The following MTMR8 variants were observed in gnomAD, a reference collection of about 807,000 sequenced individuals.
MTMR8 encodes the protein myotubularin related protein 8.
A neutral mutation model predicts 39.3 loss-of-function variants in MTMR8; 65 were observed. The observed-to-expected ratio is 1.65, with a 90% CI of 1.35 to 2.03. The LOEUF (loss-of-function observed/expected upper bound fraction) is 2.03, where lower values mean the gene tolerates loss of function less well. MTMR8 is among the 30% of genes most tolerant of loss of function. The pLI, the probability that MTMR8 is intolerant of heterozygous loss-of-function variation, is 0.00. For missense variants in MTMR8, 777 were observed against 538.9 expected, an observed-to-expected ratio of 1.44 and a Z score of -4.37; for synonymous variants, 245 against 185.2, an observed-to-expected ratio of 1.32 and a Z score of -2.62.
chrX:64,336,299 C>T (rs1482574467), intron 9 of MTMR8, among the ~76,000 whole-genome samples, 171 bp from the exon 10 acceptor site: 2 of 111,305 alleles, frequency 1.8e-5, no homozygotes, highest in African/African-American at 6.5e-5. Flanking sequence ...TAAGCCTATA[C>T]AGGGTGCCTT....
rs368449865 is a variant in MTMR8, at chrX:64,277,196, C to A, written c.1482-6123G>T. On this transcript the variant is annotated intron_variant, in intron 12 of 13. Coordinates refer to ENST00000374852, the MANE Select transcript of MTMR8 (RefSeq NM_017677.4). ...GCACACCAATGGGTCTTGACTCTAT[C>A]CAATTTGCCAGTCTGTGTCTTTTAA... is the stretch of plus-strand genomic sequence containing the variant. Among the ~76,000 whole-genome samples, 86 of 111,840 alleles carry A rather than the reference C, an allele frequency of 7.7e-4. No homozygotes were observed. In the East Asian group the frequency reaches 0.014, roughly 18 times the overall value.
rs774319503 is a variant in MTMR8, at chrX:64,316,682, G to A, written c.1481+12090C>T. On this transcript the variant is annotated intron_variant, in intron 12 of 13. Coordinates refer to ENST00000374852, the MANE Select transcript of MTMR8 (RefSeq NM_017677.4). ...CTATTTTCACCATTTATAAGATTTC[G>A]CATTGATATATTTTTTTTGGCACTT... 1.2e-4 allele frequency among the ~76,000 whole-genome samples: 13 copies of A among 111,415 alleles called. No homozygotes were observed. The East Asian group carries it at 1.7e-3, about 14-fold the overall frequency.
intron 5 of MTMR8, 35 bp downstream of exon 5, chrX:64,349,907 G>A: frequency 9.2e-7 from 1 of 1,083,180 alleles, no homozygotes; most frequent in Non-Finnish European, 1.2e-6. Context: ...CCAGAGCCAT[G>A]TTTAATTATC....
intron 12 of MTMR8, chrX:64,305,856 T>A: frequency 3.4e-6 from 1 of 290,301 alleles, no homozygotes; most frequent in Middle Eastern, 1.2e-3. Context: ...TGGCTCACAC[T>A]TGGAATGCTA....
intron 10 of MTMR8, 101 bp downstream of exon 10, chrX:64,335,978 A>T: frequency 1.8e-6 from 1 of 569,224 alleles, no homozygotes; most frequent in Non-Finnish European, 2.7e-6. Context: ...GCCATGTTCA[A>T]CTTCCTCTTC....
intron 8 of MTMR8, among the ~76,000 whole-genome samples, chrX:64,341,945 A>G (rs1923229859): frequency 8.9e-6 from 1 of 112,335 alleles, no homozygotes; most frequent in South Asian, 3.7e-4. Context: ...TAAAATAAAC[A>G]TTTAAAAAAG....
chrX:64,298,440 CT>C (rs1184845329), intron 12 of MTMR8, among the ~76,000 whole-genome samples: 1 of 85,300 alleles, frequency 1.2e-5, no homozygotes, highest in Non-Finnish European at 2.1e-5. Context: ...TATCCTGAGA[CT>C]TTGCTGAAGT....
At chrX:64,302,128 A>T (rs1291857796) in intron 12 of MTMR8, among the ~76,000 whole-genome samples, 1 of 112,529 alleles carries the variant, frequency 8.9e-6, no homozygotes, top group East Asian at 2.8e-4. Flanking sequence ...TGTTTACCTG[A>T]GCAAGCCTGG....
chrX:64,313,013 G>A (rs1309449968), intron 12 of MTMR8, among the ~76,000 whole-genome samples: 2 of 111,971 alleles, frequency 1.8e-5, no homozygotes, highest in Non-Finnish European at 3.8e-5. Flanking sequence ...TATTATAATT[G>A]TTAAGGGCCC....
At chrX:64,333,301 C>G (rs1922989772) in intron 10 of MTMR8, among the ~76,000 whole-genome samples, 1 of 111,373 alleles carries the variant, frequency 9.0e-6, no homozygotes, top group African/African-American at 3.3e-5. Flanking sequence ...TGTCAAACCC[C>G]TAATCCATTT....
At chrX:64,313,898 T>A (rs1358406707) in intron 12 of MTMR8, among the ~76,000 whole-genome samples, 1 of 112,565 alleles carries the variant, frequency 8.9e-6, no homozygotes, top group East Asian at 2.8e-4. Context: ...TTGCACTCAT[T>A]TTTATCAGCT....
intron 1 of MTMR8, among the ~76,000 whole-genome samples, chrX:64,361,545 C>T (rs1439703803): frequency 1.8e-5 from 2 of 110,716 alleles, no homozygotes; most frequent in Admixed American, 9.6e-5. Flanking sequence ...AAAATGTCAA[C>T]GTAATACATC....
At chrX:64,311,679 T>A (rs1209462103) in intron 12 of MTMR8, among the ~76,000 whole-genome samples, 1 of 111,039 alleles carries the variant, frequency 9.0e-6, no homozygotes, top group Admixed American at 9.6e-5. Flanking sequence ...GTATAAGGTG[T>A]AAGGAAGGGA....
intron 1 of MTMR8, 59 bp from the exon 2 acceptor site, chrX:64,359,586 G>T: frequency 3.6e-6 from 4 of 1,097,959 alleles, no homozygotes; most frequent in Non-Finnish European, 3.7e-6. Flanking sequence ...TGATTGAAGT[G>T]GGGCCATTCA....
Position 64,386,235 on chromosome X carries a change from G to T in MTMR8, c.24+9105C>A, listed in dbSNP as rs1346795464. ...GCTCATTCTATTTTGTAGAATGGAG[G>T]TTCCCCAATTCATGAATTAGATCTA... is the stretch of plus-strand genomic sequence containing the variant. On this transcript the variant is annotated intron_variant, in intron 1 of 13. Coordinates refer to ENST00000374852, the MANE Select transcript of MTMR8 (RefSeq NM_017677.4). Among the ~76,000 whole-genome samples, 3 of 111,816 alleles carry T rather than the reference G, an allele frequency of 2.7e-5. No homozygotes were observed. The East Asian group carries it at 8.4e-4, about 31-fold the overall frequency.
At position 64,269,064 on chromosome X, in the gene MTMR8, G is replaced by T. The variant is rs369966815; in HGVS notation, c.1609-21C>A. ...AGTTTCTGCCTCAGGAGCAAGAAAG[G>T]GTTGAGAAGAATTAGAAACAGGAGA... On this transcript the variant is annotated intron_variant, in intron 13 of 13. Coordinates refer to ENST00000374852, the MANE Select transcript of MTMR8 (RefSeq NM_017677.4). 26 of 1,192,229 alleles carry T rather than the reference G, an allele frequency of 2.2e-5. No homozygotes were observed. The African/African-American group carries it at 4.3e-4, about 20-fold the overall frequency.
chrX:64,360,701 G>T (rs1426688839), intron 1 of MTMR8, among the ~76,000 whole-genome samples: 1 of 111,361 alleles, frequency 9.0e-6, no homozygotes, highest in African/African-American at 3.3e-5. Context: ...TTAACCTTGG[G>T]TTAAAAAGAA....
chrX:64,321,630 G>A (rs1451057872), intron 12 of MTMR8, among the ~76,000 whole-genome samples: 2 of 111,637 alleles, frequency 1.8e-5, no homozygotes, highest in African/African-American at 6.5e-5. Context: ...AGTCCTAAAA[G>A]GATAGGAGTG....
intron 12 of MTMR8, among the ~76,000 whole-genome samples, 190 bp downstream of exon 12, chrX:64,328,582 G>A (rs1234962638): frequency 9.0e-6 from 1 of 111,530 alleles, no homozygotes; most frequent in Non-Finnish European, 1.9e-5. Flanking sequence ...GCAGGTAACA[G>A]CAAAGCCCTG....
Sources: gnomAD v4.1 joint callset for allele counts (sites outside exome capture counted in the v4.1 genomes callset) on GRCh38, gnomAD v4.1.1 for gene constraint, MANE v1.5 for transcripts, NCBI Gene and HGNC (gene_info 2026-07-23, HGNC 2026-07-21) for gene names.